The following ACKR2 variants were observed in gnomAD, a reference collection of about 807,000 sequenced individuals.
ACKR2 encodes C-C chemokine receptor D6.
For synonymous variants in ACKR2, 207 were observed against 192.2 expected, an observed-to-expected ratio of 1.08 and a Z score of -0.64; for missense variants, 457 against 477.3, an observed-to-expected ratio of 0.96 and a Z score of 0.40.
At chr3:42,860,999 A>C (rs1393903623) in intron 2 of ACKR2, among the ~76,000 whole-genome samples, 1 of 152,202 alleles carries the variant, frequency 6.6e-6, no homozygotes, top group East Asian at 1.9e-4. Context: ...AGAAGACAAG[A>C]AATAACTAAG....
chr3:42,820,376 G>A (rs555163614), intron 2 of ACKR2, among the ~76,000 whole-genome samples: 33 of 152,150 alleles, frequency 2.2e-4, no homozygotes, highest in East Asian at 9.7e-4. Flanking sequence ...GATGGATCAC[G>A]AGGTCAGGAG....
intron 2 of ACKR2, among the ~76,000 whole-genome samples, chr3:42,836,829 A>G (rs1700991391): frequency 6.6e-6 from 1 of 152,106 alleles, no homozygotes; most frequent in African/African-American, 2.4e-5. Context: ...TAGTGTATGA[A>G]ATGGGCTGGG....
chr3:42,817,285 G>T (rs185967658), intron 1 of ACKR2, among the ~76,000 whole-genome samples: 1 of 152,026 alleles, frequency 6.6e-6, no homozygotes, highest in South Asian at 2.1e-4. Context: ...TTTTTAGACC[G>T]TGAAGTTTTC....
intron 2 of ACKR2, chr3:42,855,902 C>G (rs1468236462): frequency 6.5e-6 from 1 of 153,650 alleles, no homozygotes; most frequent in African/African-American, 2.4e-5. Context: ...TTTGCTGAAA[C>G]AAAAGTCAGG....
intron 2 of ACKR2, among the ~76,000 whole-genome samples, chr3:42,859,547 T>A (rs2088358952): frequency 6.6e-6 from 1 of 151,696 alleles, no homozygotes; most frequent in Non-Finnish European, 1.5e-5. Flanking sequence ...CCCAGCTAAT[T>A]TTTTTTTGTA....
intron 2 of ACKR2, among the ~76,000 whole-genome samples, chr3:42,856,777 T>C (rs80255849): frequency 0.023 from 3,550 of 151,696 alleles, 137 homozygotes; most frequent in African/African-American, 0.081. Context: ...CTCTTCACGA[T>C]TGCCTGCTTG....
intron 1 of ACKR2, among the ~76,000 whole-genome samples, chr3:42,810,664 C>A (rs1387452051): frequency 6.6e-6 from 1 of 152,140 alleles, no homozygotes; most frequent in East Asian, 1.9e-4. Context: ...CCGACCACTA[C>A]CAATAAAAAA....
intron 1 of ACKR2, among the ~76,000 whole-genome samples, chr3:42,818,457 T>A (rs1423103917): frequency 2.0e-5 from 3 of 152,208 alleles, no homozygotes; most frequent in Non-Finnish European, 4.4e-5. Flanking sequence ...TTCATAGTGA[T>A]GTGCTCTGAG....
chr3:42,841,185 C>A (rs1356393683), intron 2 of ACKR2, among the ~76,000 whole-genome samples: 1 of 152,264 alleles, frequency 6.6e-6, no homozygotes, highest in Non-Finnish European at 1.5e-5. Flanking sequence ...TATAGTATAG[C>A]GTGTGCTATT....
At chr3:42,810,014 C>A (rs1375719084) in intron 1 of ACKR2, among the ~76,000 whole-genome samples, 3 of 152,072 alleles carry the variant, frequency 2.0e-5, no homozygotes, top group African/African-American at 7.2e-5. Context: ...AGAAACTTTG[C>A]TTCTGAGGCT....
At chr3:42,848,986 A>G (rs187135217) in intron 2 of ACKR2, among the ~76,000 whole-genome samples, 2 of 152,350 alleles carry the variant, frequency 1.3e-5, no homozygotes, top group East Asian at 1.9e-4. Flanking sequence ...CAAGGTCATG[A>G]AAGACAAAGC....
Position 42,865,691 on chromosome 3 carries a change from G to A in ACKR2, c.*34G>A. 1 of 1,545,264 alleles carries A rather than the reference G, an allele frequency of 6.5e-7. No homozygotes were observed. The highest frequency in any genetic ancestry group is 8.8e-7 in the Non-Finnish European group (1 of 1,137,540). ...ATTTTGGTCTGGTGGGAACAGATGG[G>A]AACCAGCTCAATTGGGTGTCCACTC... On this transcript the variant is annotated 3_prime_UTR_variant, in exon 3 of 3. Transcript: ENST00000422265.
intron 2 of ACKR2, among the ~76,000 whole-genome samples, chr3:42,854,315 C>T (rs1000518311): frequency 1.3e-5 from 2 of 152,152 alleles, no homozygotes; most frequent in African/African-American, 2.4e-5. Flanking sequence ...CATCACTGAA[C>T]GCAGAGTTGG....
chr3:42,824,461 T>G (rs67224687), intron 2 of ACKR2, among the ~76,000 whole-genome samples: 44,406 of 152,016 alleles, frequency 0.29, 7,258 homozygotes, highest in East Asian at 0.59. Flanking sequence ...AATCAGAACA[T>G]TTTTCATCAT....
intron 1 of ACKR2, among the ~76,000 whole-genome samples, chr3:42,813,026 A>G (rs1178574720): frequency 6.6e-6 from 1 of 152,108 alleles, no homozygotes; most frequent in African/African-American, 2.4e-5. Flanking sequence ...TATGTGGTAA[A>G]GTGATTGATT....
At chr3:42,816,121 T>C (rs1437114363) in intron 1 of ACKR2, among the ~76,000 whole-genome samples, 3 of 152,076 alleles carry the variant, frequency 2.0e-5, no homozygotes, top group African/African-American at 7.2e-5. Flanking sequence ...TGTTACGACA[T>C]TCTGTGGGTT....
chr3:42,820,605 AAAAAAGAAATATAAT>A (rs1700799806), intron 2 of ACKR2, among the ~76,000 whole-genome samples: 1 of 151,510 alleles, frequency 6.6e-6, no homozygotes, highest in Non-Finnish European at 1.5e-5. Flanking sequence ...AAAAAAAAAA[AAAAAAGAAATATAAT>A]CTGCCCAACC....
intron 2 of ACKR2, among the ~76,000 whole-genome samples, chr3:42,834,078 C>T (rs1391671056): frequency 6.6e-6 from 1 of 152,182 alleles, no homozygotes; most frequent in East Asian, 1.9e-4. Flanking sequence ...TTCAGCTCAG[C>T]CTCCCGAGTA....
intron 2 of ACKR2, among the ~76,000 whole-genome samples, chr3:42,839,848 A>G (rs1345265337): frequency 2.0e-5 from 3 of 152,188 alleles, no homozygotes; most frequent in African/African-American, 4.8e-5. Flanking sequence ...TCCAGTGGAC[A>G]AATGTAGAAG....
Sources: allele counts gnomAD v4.1 joint callset (sites outside exome capture counted in the v4.1 genomes callset), GRCh38; gene constraint gnomAD v4.1.1; transcripts MANE v1.5; gene names NCBI Gene and HGNC (gene_info 2026-07-23, HGNC 2026-07-21).